The following RABGAP1L variants were observed in gnomAD, a reference collection of about 807,000 sequenced individuals.
The protein encoded by RABGAP1L is rab GTPase-activating protein 1-like.
A neutral mutation model predicts 137.7 loss-of-function variants in RABGAP1L; 63 were observed. That is an observed-to-expected ratio of 0.46 (90% CI 0.37 to 0.56). RABGAP1L has a LOEUF of 0.56. Ranked by LOEUF, RABGAP1L falls within the 20% of genes least tolerant of loss-of-function variation. RABGAP1L has a pLI of 0.00. For missense variants in RABGAP1L, 1,095 were observed against 1,244.0 expected, an observed-to-expected ratio of 0.88 and a Z score of 1.80; for synonymous variants, 431 against 433.7, an observed-to-expected ratio of 0.99 and a Z score of 0.08.
At chr1:174,891,924 TACTC>T (rs1466093618) in intron 19 of RABGAP1L, among the ~76,000 whole-genome samples, 1 of 152,154 alleles carries the variant, frequency 6.6e-6, no homozygotes, top group African/African-American at 2.4e-5. Context: ...ATACAGAAGT[TACTC>T]ATAAGTTTAC....
At chr1:174,578,820 G>T (rs1477289797) in intron 13 of RABGAP1L, among the ~76,000 whole-genome samples, 4 of 152,006 alleles carry the variant, frequency 2.6e-5, no homozygotes, top group Non-Finnish European at 5.9e-5. Context: ...TATTAAAATG[G>T]ATACTGCAGT....
At chr1:174,370,191 C>T (rs1684989706) in intron 11 of RABGAP1L, among the ~76,000 whole-genome samples, 3 of 152,062 alleles carry the variant, frequency 2.0e-5, no homozygotes, top group African/African-American at 7.2e-5. Context: ...TATTTTATTC[C>T]GATAGTACTT....
At chr1:174,272,348 A>G in intron 7 of RABGAP1L, 66 bp from the exon 8 acceptor site, 3 of 1,522,546 alleles carry the variant, frequency 2.0e-6, no homozygotes, top group South Asian at 1.3e-5. Context: ...AAAAGGCTTT[A>G]TGCTCACTGG....
chr1:174,679,218 G>A (rs553316130), intron 14 of RABGAP1L, among the ~76,000 whole-genome samples: 4 of 152,234 alleles, frequency 2.6e-5, no homozygotes, highest in South Asian at 2.1e-4. Context: ...TGATTGGTCG[G>A]GTGTGCGGGT....
At chr1:174,327,968 T>TATACACAC (rs1161227192) in intron 11 of RABGAP1L, among the ~76,000 whole-genome samples, 1 of 14,326 alleles carries the variant, frequency 7.0e-5, no homozygotes, top group Non-Finnish European at 1.1e-4. Context: ...TATATATATA[T>TATACACAC]ATATATATAT....
chr1:174,605,777 T>C (rs1670745779), intron 13 of RABGAP1L, among the ~76,000 whole-genome samples: 1 of 152,232 alleles, frequency 6.6e-6, no homozygotes, highest in Admixed American at 6.5e-5. Context: ...ATAATTTTGT[T>C]CTTGCAAATT....
chr1:174,422,866 G>T (rs1217321794), intron 13 of RABGAP1L, among the ~76,000 whole-genome samples: 3 of 147,138 alleles, frequency 2.0e-5, no homozygotes, highest in African/African-American at 7.6e-5. Flanking sequence ...AGAATCGCTT[G>T]AACCCCGGAG....
chr1:174,403,195 G>A (rs1013796127), intron 13 of RABGAP1L, among the ~76,000 whole-genome samples: 2 of 146,450 alleles, frequency 1.4e-5, no homozygotes, highest in Non-Finnish European at 3.0e-5. Context: ...AAGTGTATGT[G>A]GTTATATATG....
rs554708343 is a variant in RABGAP1L at position 174,291,617 on chromosome 1, C to T, written c.1323+12838C>T. Among the ~76,000 whole-genome samples the T allele has an allele frequency of 2.0e-4, 31 of 152,148 alleles. 1 individual carries two copies. The South Asian group carries it at 5.8e-3, about 29-fold the overall frequency. ...ACTTTATGGGAAGCCTTTTAAATCA[C>T]GAATTTAATTTCTTTAGTAAATATT... On this transcript the variant is annotated intron_variant, in intron 10 of 25. Transcript: ENST00000681986.
intron 1 of RABGAP1L, among the ~76,000 whole-genome samples, chr1:174,214,624 G>T (rs1318115699): frequency 6.6e-6 from 1 of 152,146 alleles, no homozygotes; most frequent in African/African-American, 2.4e-5. Context: ...GCAAAAACCA[G>T]TACTAGCAAG....
At chr1:174,623,296 G>C (rs1204644689) in intron 13 of RABGAP1L, among the ~76,000 whole-genome samples, 1 of 152,060 alleles carries the variant, frequency 6.6e-6, no homozygotes, top group Non-Finnish European at 1.5e-5. Flanking sequence ...TTTTTTGATG[G>C]CCAATTTGTG....
intron 19 of RABGAP1L, among the ~76,000 whole-genome samples, chr1:174,882,542 G>T (rs6425300): frequency 0.35 from 53,776 of 151,944 alleles, 12,007 homozygotes; most frequent in African/African-American, 0.64. Context: ...TCGTTTAAAG[G>T]CTTTAATTGT....
At chr1:174,929,077 T>C (rs12087589) in intron 19 of RABGAP1L, among the ~76,000 whole-genome samples, 16,426 of 146,778 alleles carry the variant, frequency 0.11, 977 homozygotes, top group East Asian at 0.22. Flanking sequence ...GGGGTGGGGC[T>C]GGGGGGAGGG....
At chr1:174,780,224 C>T (rs1213640081) in intron 18 of RABGAP1L, among the ~76,000 whole-genome samples, 2 of 152,072 alleles carry the variant, frequency 1.3e-5, no homozygotes, top group African/African-American at 4.8e-5. Context: ...CTCACTGACT[C>T]CTGAATATTG....
chr1:174,934,464 G>T (rs373397889), intron 19 of RABGAP1L, among the ~76,000 whole-genome samples: 1 of 151,972 alleles, frequency 6.6e-6, no homozygotes, highest in Non-Finnish European at 1.5e-5. Flanking sequence ...TTACTCTCCC[G>T]TACTGGCTGT....
intron 11 of RABGAP1L, among the ~76,000 whole-genome samples, chr1:174,363,389 C>T (rs958044494): frequency 2.0e-5 from 3 of 152,166 alleles, no homozygotes; most frequent in Non-Finnish European, 4.4e-5. Flanking sequence ...TGGCCATTTT[C>T]ACAATATTGC....
At chr1:174,364,538 G>A (rs1482563006) in intron 11 of RABGAP1L, among the ~76,000 whole-genome samples, 1 of 152,058 alleles carries the variant, frequency 6.6e-6, no homozygotes, top group East Asian at 1.9e-4. Context: ...ACAGGCGTGA[G>A]CCACCGCGCC....
chr1:174,869,057 T>G (rs1651769350), intron 19 of RABGAP1L, among the ~76,000 whole-genome samples: 1 of 152,172 alleles, frequency 6.6e-6, no homozygotes, highest in African/African-American at 2.4e-5. Context: ...CTGCCCCATT[T>G]CTAAAGGTTA....
intron 14 of RABGAP1L, among the ~76,000 whole-genome samples, chr1:174,659,417 T>C (rs1676207759): frequency 6.6e-6 from 1 of 152,178 alleles, no homozygotes; most frequent in African/African-American, 2.4e-5. Context: ...AATCTCAGTC[T>C]TCTTCCTCCA....
Sources: allele counts gnomAD v4.1 joint callset (sites outside exome capture counted in the v4.1 genomes callset), GRCh38; gene constraint gnomAD v4.1.1; transcripts MANE v1.5; gene names NCBI Gene and HGNC (gene_info 2026-07-23, HGNC 2026-07-21).